SLC39A4: variants seen among roughly 807,000 people sequenced by gnomAD.
SLC39A4 encodes the protein solute carrier family 39 member 4.
Under a neutral mutation model 56.6 loss-of-function variants are expected in SLC39A4, and 49 were observed. The ratio of observed to expected loss-of-function variants is 0.87; its 90% confidence interval spans 0.69 to 1.10. The LOEUF (loss-of-function observed/expected upper bound fraction) is 1.10. Among genes scored for constraint, SLC39A4 ranks in the 50% least tolerant of loss-of-function variants. The pLI, the probability that SLC39A4 is intolerant of heterozygous loss-of-function variation, is 0.00. For synonymous variants in SLC39A4, 540 were observed against 420.4 expected, an observed-to-expected ratio of 1.28 and a Z score of -3.48; for missense variants, 993 against 864.2, an observed-to-expected ratio of 1.15 and a Z score of -1.87.
rs1040441696 is a variant in SLC39A4, at chr8:144,413,779, G to A, written c.1390C>T (p.Pro464Ser). ...TCTGCGCGGGAGCCCTCGTGGGGGG[G>A]CTTGGGCTGCCGGAGCTCGCTGGGT... ...LAPSELRQPK[P>S]PHEGSRADLV... Residue 464 changes from proline (P) to serine (S), a missense_variant, in exon 8 of 12, where the codon CCC (proline) becomes TCC (serine). Transcript: ENST00000301305. The A allele has an allele frequency of 2.6e-6, 4 of 1,546,374 alleles. No individual in the cohort carries two copies. Among genetic ancestry groups the A allele is most frequent in the East Asian group, 2.4e-5 (1 of 42,002 alleles).
At chr8:144,412,981 C>A in intron 10 of SLC39A4, 35 bp from the exon 11 acceptor site, 1 of 1,556,894 alleles carries the variant, frequency 6.4e-7, no homozygotes, top group South Asian at 1.2e-5. Context: ...CTCCGCCCTC[C>A]TAGCTACATG....
At chr8:144,414,484 C>G in intron 5 of SLC39A4, 50 bp from the exon 6 acceptor site, 2 of 1,548,318 alleles carry the variant, frequency 1.3e-6, no homozygotes, top group Non-Finnish European at 1.7e-6. Context: ...GACTCAGCCC[C>G]TGCTTCCCGG....
chr8:144,416,672 C>G lies in SLC39A4; in HGVS notation c.118G>C (p.Asp40His), dbSNP rs782559347. 29 of 1,611,626 alleles carry G rather than the reference C, an allele frequency of 1.8e-5. No individual in the cohort carries two copies. Among genetic ancestry groups the G allele is most frequent in the African/African-American group, 2.7e-5 (2 of 74,908 alleles). Residue 40 changes from aspartate to histidine, a missense_variant, in exon 1 of 12, where the codon GAT (aspartate) becomes CAT (histidine). By Grantham distance (81) the Asp-to-His change is moderately conservative. Coordinates refer to ENST00000301305, the MANE Select transcript of SLC39A4 (RefSeq NM_130849.4). ...AACAGGCCGCCCAGAGCCTCTTGAT[C>G]CAGAGCGCCCTGGCCAGAGGTGAGC... ...SLLTSGQGALDQEALGGLLNT... is the reference protein window; with the variant it reads ...SLLTSGQGALHQEALGGLLNT...
Position 144,412,429 on chromosome 8 carries a change from GT to G in SLC39A4, c.*108del. On this transcript the variant is annotated 3_prime_UTR_variant, in exon 12 of 12. Coordinates refer to ENST00000301305, the MANE Select transcript of SLC39A4 (RefSeq NM_130849.4). ...ACAGCCATGCTCCAAGGACAAGAGT[GT>G]CTTTACTGGAGTTGGGACTGGGGCC... 6.4e-7 allele frequency: 1 copy of G among 1,564,014 alleles called. No individual in the cohort carries two copies. The highest frequency in any genetic ancestry group is 8.8e-7 in the Non-Finnish European group (1 of 1,137,666).
chr8:144,414,027 C>T lies in SLC39A4; in HGVS notation c.1218G>A (p.Met406Ile), dbSNP rs782038662. 6.3e-7 allele frequency: 1 copy of T among 1,594,974 alleles called. No homozygotes were observed. The highest frequency in any genetic ancestry group is 8.5e-7 in the Non-Finnish European group (1 of 1,170,610). Reference protein sequence around the residue: ...SPQPTWRLLAMLAGLYAFFLF... With the variant: ...SPQPTWRLLAILAGLYAFFLF... ...GGAAGAAGGCGTAGAGCCCGGCCAGCATAGCCAGGAGGCGCCAGGTGGGCT... is the reference window on the plus strand; with the variant it reads ...GGAAGAAGGCGTAGAGCCCGGCCAGTATAGCCAGGAGGCGCCAGGTGGGCT... Residue 406 changes from methionine (M) to isoleucine (I), a missense_variant, in exon 7 of 12, where the codon ATG becomes ATA. Transcript: ENST00000301305.
In SLC39A4 at chr8:144,412,684, A is replaced by ACCGGGTCAGCGCC; in HGVS notation, c.1816-31_1816-19dup. The ACCGGGTCAGCGCC allele has an allele frequency of 6.2e-7, 1 of 1,613,622 alleles. No homozygotes were observed. Among genetic ancestry groups the ACCGGGTCAGCGCC allele is most frequent in the Non-Finnish European group, 8.5e-7 (1 of 1,179,902 alleles). On this transcript the variant is annotated intron_variant, in intron 11 of 11. Transcript: ENST00000301305. ...GCCGGGAGCTGAGGAGCAAGTGGGC[A>ACCGGGTCAGCGCC]CCGGGTCAGCGCCCCTGCTCAGCTC...
At chr8:144,416,468 G>C (rs1822203412) in intron 1 of SLC39A4, 130 bp downstream of exon 1, 1 of 1,469,236 alleles carries the variant, frequency 6.8e-7, no homozygotes, top group Admixed American at 2.3e-5. Flanking sequence ...GGGAGGGTCA[G>C]GGTGCCCAGG....
Position 144,414,060 on chromosome 8 carries a change from G to A in SLC39A4, c.1185C>T (p.Leu395=). The part of the protein sequence containing the change: ...LGLHTHSEEG[L]SPQPTWRLLA... ...GGAGGCGCCAGGTGGGCTGTGGGCT[G>A]AGGCCCTCTTCGCTGTGTGTATGCA... is the stretch of plus-strand genomic sequence containing the variant. The change falls in exon 7 of 12, where the codon CTC becomes CTT. Residue 395 remains leucine, a synonymous_variant. Transcript: ENST00000301305. 1 of 1,569,536 alleles carries A rather than the reference G, an allele frequency of 6.4e-7. No individual in the cohort carries two copies. Among genetic ancestry groups the A allele is most frequent in the Non-Finnish European group, 8.6e-7 (1 of 1,157,402 alleles).
chr8:144,416,372 G>A, intron 1 of SLC39A4: 2 of 1,455,682 alleles, frequency 1.4e-6, no homozygotes, highest in Non-Finnish European at 1.8e-6. Flanking sequence ...GGGGGAGTTG[G>A]CCCTGGGGTC....
At chr8:144,414,594 C>T (rs1586652304) in intron 5 of SLC39A4, 131 bp downstream of exon 5, 1 of 1,499,580 alleles carries the variant, frequency 6.7e-7, no homozygotes, top group Non-Finnish European at 9.0e-7. Context: ...ACGCCACCTT[C>T]CCCTGTGTCT....
At position 144,412,851 on chromosome 8, in the gene SLC39A4, C is replaced by G. The variant is rs782365772; in HGVS notation, c.1723G>C (p.Val575Leu). The change falls in exon 11 of 12, where the codon GTG becomes CTG. Residue 575 changes from valine to leucine, a missense_variant. By Grantham distance (32) the Val-to-Leu change is conservative. Transcript: ENST00000301305. ...TCGCTGACTCCAACCGCGAGTGCCA[C>G]GTAGAGACCAGCGAAGGCCGTGAGC... ...SALTAFAGLYVALAVGVSEES... is the reference protein window; with the variant it reads ...SALTAFAGLYLALAVGVSEES... The G allele has an allele frequency of 2.5e-5, 41 of 1,612,510 alleles. No homozygotes were observed. In the South Asian group the frequency reaches 3.7e-4, roughly 15 times the overall value.
At position 144,415,930 on chromosome 8, in the gene SLC39A4, G is replaced by T. The variant is rs1554873852; in HGVS notation, c.354C>A (p.Leu118=). ...GGAGGTGGTCTGCATGAGAGGCCCA[G>T]AGGCCAGCCCGAGCGTCCTCACAGG... ...EGTCEDARAG[L]WASHADHLLA... is the part of the protein sequence containing the mutation. The change falls in exon 2 of 12, where the codon CTC becomes CTA. Residue 118 remains leucine (L), a synonymous_variant. Coordinates refer to ENST00000301305, the MANE Select transcript of SLC39A4 (RefSeq NM_130849.4). 6.3e-7 allele frequency: 1 copy of T among 1,596,246 alleles called. No individual in the cohort carries two copies.
intron 6 of SLC39A4, 54 bp downstream of exon 6, chr8:144,414,207 TG>T: frequency 6.3e-7 from 1 of 1,591,468 alleles, no homozygotes; most frequent in Non-Finnish European, 8.5e-7. Context: ...GGGCACGGCC[TG>T]GGAGTCCATG....
At chr8:144,416,136 A>C (rs782710935) in intron 1 of SLC39A4, 45 bp from the exon 2 acceptor site, 11 of 1,598,790 alleles carry the variant, frequency 6.9e-6, no homozygotes, top group Non-Finnish European at 9.4e-6. Context: ...CCCACCAGGG[A>C]GGGGAGAGGC....
In SLC39A4 at chr8:144,414,841, C is replaced by G; in HGVS notation, c.860G>C (p.Gly287Ala). Residue 287 changes from glycine (G) to alanine (A), a missense_variant, in exon 5 of 12, where the codon GGG becomes GCG. Transcript: ENST00000301305. Reference sequence around the variant, plus strand: ...TTGGGCCCAGGCCTCCGGGGTCACCCCAGCCTGTTCCGACAGTCCATATGC... The same window carrying G: ...TTGGGCCCAGGCCTCCGGGGTCACCGCAGCCTGTTCCGACAGTCCATATGC... ...MAAYGLSEQAGVTPEAWAQLS... is the reference protein window; with the variant it reads ...MAAYGLSEQAAVTPEAWAQLS... The G allele has an allele frequency of 6.2e-7, 1 of 1,613,304 alleles. No homozygotes were observed. Among genetic ancestry groups the G allele is most frequent in the Non-Finnish European group, 8.5e-7 (1 of 1,179,960 alleles).
At chr8:144,413,156 G>GCC in intron 10 of SLC39A4, 81 bp downstream of exon 10, 1 of 1,486,208 alleles carries the variant, frequency 6.7e-7, no homozygotes, top group Middle Eastern at 2.4e-4. Context: ...CATCTTCCAG[G>GCC]CCCCGCCCAC....
In SLC39A4 at chr8:144,412,465, G is replaced by A. The variant is rs1306167117; in HGVS notation, c.*73C>T. Reference sequence around the variant, plus strand: ...AGTTGGGACTGGGGCCTCTATAGGGGCTTCTGGTTTCTGGGCTGTAGGTTT... The same window carrying A: ...AGTTGGGACTGGGGCCTCTATAGGGACTTCTGGTTTCTGGGCTGTAGGTTT... On this transcript the variant is annotated 3_prime_UTR_variant, in exon 12 of 12. Transcript: ENST00000301305. 3.1e-6 allele frequency: 5 copies of A among 1,612,194 alleles called. No individual in the cohort carries two copies. Among genetic ancestry groups the A allele is most frequent in the Admixed American group, 3.3e-5 (2 of 60,000 alleles).
In SLC39A4 at chr8:144,415,872, G is replaced by A; in HGVS notation, c.412C>T (p.Pro138Ser). The A allele has an allele frequency of 6.3e-7, 1 of 1,597,814 alleles. No homozygotes were observed. Among genetic ancestry groups the A allele is most frequent in the Non-Finnish European group, 8.5e-7 (1 of 1,175,396 alleles). ...ALLESPKALTPGLSWLLQRMQ... is the reference protein window; with the variant it reads ...ALLESPKALTSGLSWLLQRMQ... ...CTCTGCAGCAGCCAGCTCAGGCCCG[G>A]GGTCAGGGCCTTGGGGCTCTCGAGC... Residue 138 changes from proline to serine, a missense_variant, in exon 2 of 12, where the codon CCG becomes TCG. Pro to Ser is a moderately conservative substitution (Grantham distance 74). Coordinates refer to ENST00000301305, the MANE Select transcript of SLC39A4 (RefSeq NM_130849.4).
chr8:144,416,169 G>T, intron 1 of SLC39A4, 78 bp from the exon 2 acceptor site: 1 of 1,595,414 alleles, frequency 6.3e-7, no homozygotes, highest in East Asian at 2.2e-5. Context: ...GGGCTTCCCC[G>T]AGGGCCTGTT....
Sources: allele counts gnomAD v4.1 joint callset, GRCh38; gene constraint gnomAD v4.1.1; transcripts MANE v1.5; gene names NCBI Gene and HGNC (gene_info 2026-07-23, HGNC 2026-07-21).